The following BRINP1 variants were observed in gnomAD, a reference collection of about 807,000 sequenced individuals.
BRINP1 encodes the protein BMP/retinoic acid inducible neural specific 1, also known as BMP/retinoic acid-inducible neural-specific protein 1.
In BRINP1, 17 loss-of-function variants were observed where a neutral mutation model predicts 72.9. That is an observed-to-expected ratio of 0.23 (90% CI 0.16 to 0.35). The LOEUF (loss-of-function observed/expected upper bound fraction) is 0.35, where lower values mean the gene tolerates loss of function less well. Among genes scored for constraint, BRINP1 ranks in the 10% least tolerant of loss-of-function variants. The probability of loss-of-function intolerance (pLI) is 1.00; values close to 1 mark genes in which losing one functional copy is unlikely to be tolerated. For synonymous variants in BRINP1, 418 were observed against 378.5 expected (o/e 1.10, Z -1.21); for missense variants, 850 against 1,001.6 (o/e 0.85, Z 2.04).
In BRINP1 at chr9:119,249,140, G is replaced by A. The variant is rs1830352552; in HGVS notation, c.229C>T (p.Arg77Cys). 8 of 1,612,902 alleles carry A rather than the reference G, an allele frequency of 5.0e-6. No individual in the cohort carries two copies. Among genetic ancestry groups the A allele is most frequent in the Non-Finnish European group, 6.8e-6 (8 of 1,179,624 alleles). Reference sequence around the variant, plus strand: ...ATGGCTGTGTTCCTCACCTTCCAACGGGCAAACTCCCTGGGCAGGAGAAAT... The same window carrying A: ...ATGGCTGTGTTCCTCACCTTCCAACAGGCAAACTCCCTGGGCAGGAGAAAT... ...TRYKIYREFA[R>C]WKVRNTAIER... The change falls in exon 3 of 8, where the codon CGT becomes TGT. Residue 77 changes from arginine (R) to cysteine (C), a missense_variant. Arg to Cys is a radical substitution (Grantham distance 180). Transcript: ENST00000265922.
At chr9:119,296,627 A>G (rs1195588361) in intron 2 of BRINP1, among the ~76,000 whole-genome samples, 1 of 152,220 alleles carries the variant, frequency 6.6e-6, no homozygotes, top group African/African-American at 2.4e-5. Flanking sequence ...ATGTCCATCA[A>G]CAGATGAATG....
At chr9:119,315,477 G>A (rs980135780) in intron 1 of BRINP1, among the ~76,000 whole-genome samples, 5 of 151,996 alleles carry the variant, frequency 3.3e-5, no homozygotes, top group Non-Finnish European at 5.9e-5. Context: ...CTGCTCCACT[G>A]ACTAGCTATT....
At chr9:119,241,215 C>T (rs1301620677) in intron 4 of BRINP1, among the ~76,000 whole-genome samples, 1 of 152,182 alleles carries the variant, frequency 6.6e-6, no homozygotes, top group East Asian at 1.9e-4. Flanking sequence ...TCAATAACCC[C>T]AGGTGACTAG....
intron 2 of BRINP1, among the ~76,000 whole-genome samples, chr9:119,305,644 T>G (rs2118988002): frequency 6.6e-6 from 1 of 152,296 alleles, no homozygotes; most frequent in Admixed American, 6.5e-5. Context: ...CCAGCATGCC[T>G]TTCCAAACAT....
intron 1 of BRINP1, among the ~76,000 whole-genome samples, chr9:119,337,631 C>T (rs1418320675): frequency 6.6e-6 from 1 of 152,194 alleles, no homozygotes; most frequent in East Asian, 1.9e-4. Context: ...CCTAGTCTTG[C>T]TTTTGCTTTC....
At chr9:119,318,844 G>GT (rs1554754957) in intron 1 of BRINP1, among the ~76,000 whole-genome samples, 20 of 142,234 alleles carry the variant, frequency 1.4e-4, no homozygotes, top group African/African-American at 3.9e-4. Context: ...AAATGTGTGG[G>GT]GTGTGTGTGT....
chr9:119,301,905 C>T (rs964646127), intron 2 of BRINP1, among the ~76,000 whole-genome samples: 10 of 152,122 alleles, frequency 6.6e-5, no homozygotes, highest in African/African-American at 9.7e-5. Context: ...TACTTTGCAC[C>T]GTCTCCCATC....
chr9:119,313,107 T>C (rs1416975397), intron 2 of BRINP1, 31 bp downstream of exon 2: 1 of 1,604,232 alleles, frequency 6.2e-7, no homozygotes, highest in South Asian at 1.1e-5. Context: ...AATATGAATG[T>C]AAGGCAAGGG....
rs1051076086 is a variant in BRINP1, at chr9:119,312,609, A to G, written c.218+529T>C. Among the ~76,000 whole-genome samples, 3 of 152,202 alleles carry G rather than the reference A, an allele frequency of 2.0e-5. 1 individual carries two copies. Among genetic ancestry groups the G allele is most frequent in the African/African-American group, 7.2e-5 (3 of 41,450 alleles). On this transcript the variant is annotated intron_variant, in intron 2 of 7. Coordinates refer to ENST00000265922, the MANE Select transcript of BRINP1 (RefSeq NM_014618.3). The stretch of plus-strand genomic sequence containing the variant: ...AACCAGTACAGACCTGCTTAACAAA[A>G]GGTTTCTTTATTTTTCCAAATGTTT...
At chr9:119,302,499 T>C (rs1830948669) in intron 2 of BRINP1, among the ~76,000 whole-genome samples, 1 of 152,066 alleles carries the variant, frequency 6.6e-6, no homozygotes, top group South Asian at 2.1e-4. Flanking sequence ...GGGGGGCCTA[T>C]GGGAATCATA....
chr9:119,271,995 C>T (rs1830611852), intron 2 of BRINP1, among the ~76,000 whole-genome samples: 1 of 151,282 alleles, frequency 6.6e-6, no homozygotes, highest in Admixed American at 6.6e-5. Flanking sequence ...TCTTGTTTCC[C>T]CTTTTAAAAA....
chr9:119,200,250 TATG>T (rs1206903893), intron 7 of BRINP1, among the ~76,000 whole-genome samples: 1 of 152,136 alleles, frequency 6.6e-6, no homozygotes, highest in African/African-American at 2.4e-5. Flanking sequence ...AGAACAAAGT[TATG>T]AAGAATATAG....
intron 7 of BRINP1, among the ~76,000 whole-genome samples, chr9:119,168,588 G>A (rs1399702948): frequency 3.4e-5 from 4 of 117,814 alleles, no homozygotes; most frequent in African/African-American, 1.0e-4. Context: ...TACCCCTTCT[G>A]GATGACAACA....
At chr9:119,356,152 A>G (rs1028804265) in intron 1 of BRINP1, among the ~76,000 whole-genome samples, 18 of 152,086 alleles carry the variant, frequency 1.2e-4, no homozygotes, top group Admixed American at 3.9e-4. Flanking sequence ...TCCCATCTCA[A>G]AAATGTTATG....
intron 1 of BRINP1, among the ~76,000 whole-genome samples, chr9:119,342,154 A>G (rs1831412395): frequency 6.6e-6 from 1 of 150,692 alleles, no homozygotes; most frequent in African/African-American, 2.5e-5. Context: ...ATGCTAGAAT[A>G]TAAACAAAAA....
At position 119,368,456 on chromosome 9, in the gene BRINP1, TA is replaced by T. The variant is rs1419673514; in HGVS notation, c.-51+599del. Among the ~76,000 whole-genome samples, 1 of 152,082 alleles carries T rather than the reference TA, an allele frequency of 6.6e-6. No homozygotes were observed. The highest frequency in any genetic ancestry group is 1.5e-5 in the Non-Finnish European group (1 of 68,026). ...TCCTTCAAGCGTACCAACATTGGGC[TA>T]AATAAGGTGCCATCTACAGCCCCAT... On this transcript the variant is annotated intron_variant, in intron 1 of 7. Coordinates refer to ENST00000265922, the MANE Select transcript of BRINP1 (RefSeq NM_014618.3). The surrounding 1 kb of genome is among the most constrained non-coding windows in gnomAD (Gnocchi z 4.7).
chr9:119,213,458 A>G (rs1829949453), intron 6 of BRINP1, among the ~76,000 whole-genome samples: 2 of 152,222 alleles, frequency 1.3e-5, no homozygotes, highest in Non-Finnish European at 2.9e-5. Context: ...GATTCTTTGG[A>G]TATCTATATC....
chr9:119,214,587 T>TAAAAAAAAAA (rs57097317), intron 5 of BRINP1, among the ~76,000 whole-genome samples: 1 of 144,066 alleles, frequency 6.9e-6, no homozygotes, highest in African/African-American at 2.6e-5. Flanking sequence ...CCTGTAGAGA[T>TAAAAAAAAAA]AAAAAAAAAA....
At chr9:119,180,100 G>A (rs940961831) in intron 7 of BRINP1, among the ~76,000 whole-genome samples, 1 of 152,214 alleles carries the variant, frequency 6.6e-6, no homozygotes, top group African/African-American at 2.4e-5. Flanking sequence ...CCTAAGATGG[G>A]AATACAGTGT....
Sources: allele counts gnomAD v4.1 joint callset (sites outside exome capture counted in the v4.1 genomes callset), GRCh38; gene constraint gnomAD v4.1.1; non-coding constraint Gnocchi (gnomAD v3.1); transcripts MANE v1.5; gene names NCBI Gene and HGNC (gene_info 2026-07-23, HGNC 2026-07-21).